The following ADGRL3 variants were observed in gnomAD, a reference collection of about 807,000 sequenced individuals.
ADGRL3 encodes calcium-independent alpha-latrotoxin receptor 3.
Under a neutral mutation model 153.5 loss-of-function variants are expected in ADGRL3, and 62 were observed. The observed-to-expected ratio is 0.40, with a 90% CI of 0.33 to 0.50. The LOEUF (loss-of-function observed/expected upper bound fraction) is 0.50. Ranked by LOEUF, ADGRL3 falls within the 20% of genes least tolerant of loss-of-function variation. The pLI is 0.47. For missense variants in ADGRL3, 1,641 were observed against 1,859.4 expected, an observed-to-expected ratio of 0.88 and a Z score of 2.16; for synonymous variants, 710 against 672.5, an observed-to-expected ratio of 1.06 and a Z score of -0.86.
At chr4:61,480,049 T>C (rs757909719) in intron 2 of ADGRL3, among the ~76,000 whole-genome samples, 1 of 152,166 alleles carries the variant, frequency 6.6e-6, no homozygotes, top group Non-Finnish European at 1.5e-5. Flanking sequence ...ACTTAAGATC[T>C]AGTCTCTCAG....
chr4:61,934,853 C>T lies in ADGRL3; in HGVS notation c.2126C>T (p.Thr709Ile). The change falls in exon 14 of 27, where the codon ACA becomes ATA. Residue 709 changes from threonine to isoleucine, a missense_variant. Physicochemically the swap from Thr to Ile is moderately conservative, Grantham distance 89. Around this residue, in one of 5 missense-constraint regions of ADGRL3, gnomAD observed 734 missense variants for 797.0 expected, o/e 0.92. Transcript: ENST00000683033. The stretch of plus-strand genomic sequence containing the variant: ...ATCCTCTTGTAGGCAATGGTCGAGA[C>T]AGTTAACAACCTCCTTCAGCCACAA... Reference protein sequence around the residue: ...CRAYVQAMVETVNNLLQPQAL... With the variant: ...CRAYVQAMVEIVNNLLQPQAL... The T allele has an allele frequency of 6.2e-7, 1 of 1,613,558 alleles. No individual in the cohort carries two copies. The highest frequency in any genetic ancestry group is 8.5e-7 in the Non-Finnish European group (1 of 1,179,700).
chr4:61,353,035 G>C (rs1163854650), intron 1 of ADGRL3, among the ~76,000 whole-genome samples: 1 of 152,062 alleles, frequency 6.6e-6, no homozygotes, highest in Non-Finnish European at 1.5e-5. Flanking sequence ...CCTATGAAAG[G>C]GATCTTTTTG....
At chr4:61,893,376 C>T (rs184370208) in intron 10 of ADGRL3, among the ~76,000 whole-genome samples, 61 of 152,230 alleles carry the variant, frequency 4.0e-4, no homozygotes, top group African/African-American at 1.5e-3. Flanking sequence ...TCTAGAGGCT[C>T]AGCTTTTCTA....
At chr4:62,016,290 G>GC (rs1400714545) in intron 21 of ADGRL3, among the ~76,000 whole-genome samples, 10 of 151,946 alleles carry the variant, frequency 6.6e-5, no homozygotes, top group Non-Finnish European at 8.8e-5. Flanking sequence ...CTCATGATCT[G>GC]CCCCCCTCGG....
intron 5 of ADGRL3, among the ~76,000 whole-genome samples, chr4:61,644,897 C>T (rs1396071520): frequency 2.0e-5 from 3 of 151,690 alleles, no homozygotes; most frequent in South Asian, 4.2e-4. Context: ...TTAAAGTCTC[C>T]CATTATTAAT....
At chr4:61,970,126 G>A (rs1256857491) in intron 17 of ADGRL3, among the ~76,000 whole-genome samples, 1 of 152,068 alleles carries the variant, frequency 6.6e-6, no homozygotes, top group East Asian at 1.9e-4. Context: ...TTCTTCATCT[G>A]TAAGTTGGAG....
At chr4:61,992,325 T>C (rs553766324) in intron 19 of ADGRL3, among the ~76,000 whole-genome samples, 183 of 152,320 alleles carry the variant, frequency 1.2e-3, no homozygotes, top group African/African-American at 3.9e-3. Context: ...GTGAGACTTA[T>C]AGAACTGTGA....
chr4:61,372,974 G>A (rs1364394617), intron 1 of ADGRL3, among the ~76,000 whole-genome samples: 1 of 152,196 alleles, frequency 6.6e-6, no homozygotes, highest in African/African-American at 2.4e-5. Flanking sequence ...GTATTCGGGT[G>A]GGAGTGACCC....
rs529425926 is a variant in ADGRL3, at chr4:61,369,633, A to G, written c.-239-13491A>G. The stretch of plus-strand genomic sequence containing the variant: ...GATGTGCTGCTGGATTCGGTTTGCC[A>G]GTATTTTATTGAGGATTTTTGCATC... On this transcript the variant is annotated intron_variant, in intron 1 of 26. Transcript: ENST00000683033. Among the ~76,000 whole-genome samples the G allele has an allele frequency of 3.8e-4, 58 of 152,308 alleles. 2 individuals are homozygous for G. The South Asian group carries it at 0.012, about 31-fold the overall frequency.
At chr4:61,434,921 T>C (rs1295515289) in intron 2 of ADGRL3, among the ~76,000 whole-genome samples, 1 of 152,106 alleles carries the variant, frequency 6.6e-6, no homozygotes, top group Admixed American at 6.5e-5. Context: ...AATTTACATT[T>C]TATAAAACAA....
At position 61,300,193 on chromosome 4, in the gene ADGRL3, C is replaced by T. The variant is rs6842800; in HGVS notation, c.-239-82931C>T. 3.4e-3 allele frequency among the ~76,000 whole-genome samples: 524 copies of T among 152,256 alleles called. 2 individuals are homozygous for T. Among genetic ancestry groups the T allele is most frequent in the African/African-American group, 0.012 (498 of 41,562 alleles). On this transcript the variant is annotated intron_variant, in intron 1 of 26. Transcript: ENST00000683033. Reference sequence around the variant, plus strand: ...CCAAGTAATCCCAGGTTACTGGTATCATGGCCTTCATTCAATGTTTCAATA... The same window carrying T: ...CCAAGTAATCCCAGGTTACTGGTATTATGGCCTTCATTCAATGTTTCAATA...
At chr4:62,024,344 T>G (rs1161864107) in intron 21 of ADGRL3, among the ~76,000 whole-genome samples, 1 of 152,174 alleles carries the variant, frequency 6.6e-6, no homozygotes, top group African/African-American at 2.4e-5. Context: ...TTATGATATA[T>G]TCTAAAATGT....
At chr4:61,552,923 A>G (rs2098746955) in intron 4 of ADGRL3, among the ~76,000 whole-genome samples, 1 of 152,158 alleles carries the variant, frequency 6.6e-6, no homozygotes, top group Non-Finnish European at 1.5e-5. Flanking sequence ...TCTATTCCAT[A>G]AATATTTATG....
chr4:61,671,864 A>G (rs2095017205), intron 5 of ADGRL3, among the ~76,000 whole-genome samples: 1 of 152,146 alleles, frequency 6.6e-6, no homozygotes, highest in Admixed American at 6.6e-5. Flanking sequence ...TCTGGACTCC[A>G]CTGACTATTA....
chr4:62,037,124 A>G (rs1027900843), intron 23 of ADGRL3, among the ~76,000 whole-genome samples: 1 of 152,162 alleles, frequency 6.6e-6, no homozygotes, highest in Non-Finnish European at 1.5e-5. Context: ...TTTGTTCTCA[A>G]TTTGAACGTT....
chr4:61,397,352 C>G (rs2096880409), intron 2 of ADGRL3, among the ~76,000 whole-genome samples: 1 of 151,884 alleles, frequency 6.6e-6, no homozygotes, highest in African/African-American at 2.4e-5. Flanking sequence ...GTGACTGAAG[C>G]TGAGTCACGC....
intron 17 of ADGRL3, among the ~76,000 whole-genome samples, chr4:61,973,695 A>AT (rs200848110): frequency 6.5e-4 from 97 of 149,636 alleles, no homozygotes; most frequent in Non-Finnish European, 1.1e-3. Flanking sequence ...TATTTTGTTT[A>AT]TTTTTTTTTA....
intron 9 of ADGRL3, among the ~76,000 whole-genome samples, chr4:61,857,918 A>G (rs1581174804): frequency 6.6e-6 from 1 of 152,082 alleles, no homozygotes; most frequent in East Asian, 1.9e-4. Context: ...GGAGGGTTAC[A>G]TTAAGGTTTA....
intron 5 of ADGRL3, among the ~76,000 whole-genome samples, chr4:61,600,134 C>T (rs1464486815): frequency 2.0e-5 from 3 of 151,552 alleles, no homozygotes; most frequent in African/African-American, 7.3e-5. Flanking sequence ...ATGATGAAAC[C>T]CCTTCTCTAC....
Sources: allele counts gnomAD v4.1 joint callset (sites outside exome capture counted in the v4.1 genomes callset), GRCh38; gene constraint gnomAD v4.1.1; regional missense constraint gnomAD v4.1.1; transcripts MANE v1.5; gene names NCBI Gene and HGNC (gene_info 2026-07-23, HGNC 2026-07-21).